Variants in AHCYL2 observed in about 807,000 individuals in gnomAD.
AHCYL2 encodes S-adenosylhomocysteine hydrolase-like protein 2.
A neutral mutation model predicts 81.4 loss-of-function variants in AHCYL2; 28 were observed. The observed-to-expected ratio is 0.34, with a 90% CI of 0.25 to 0.47. The LOEUF (loss-of-function observed/expected upper bound fraction) is 0.47. Ranked by LOEUF, AHCYL2 falls within the 20% of genes least tolerant of loss-of-function variation. AHCYL2 has a pLI of 1.00. For missense variants in AHCYL2, 551 were observed against 785.1 expected (o/e 0.70, Z 3.56); for synonymous variants, 272 against 290.2 (o/e 0.94, Z 0.64).
intron 2 of AHCYL2, among the ~76,000 whole-genome samples, chr7:129,380,530 C>T (rs1036595904): frequency 1.3e-5 from 2 of 152,002 alleles, no homozygotes; most frequent in East Asian, 1.9e-4. Context: ...ATTTGTTCTT[C>T]GTACAAATAG....
chr7:129,230,563 C>T (rs529042323), intron 1 of AHCYL2, among the ~76,000 whole-genome samples: 20 of 151,846 alleles, frequency 1.3e-4, no homozygotes, highest in African/African-American at 4.8e-4. Flanking sequence ...TCAGGATGAA[C>T]CTTCTAAATC....
intron 1 of AHCYL2, among the ~76,000 whole-genome samples, chr7:129,337,323 A>G (rs1240901501): frequency 6.6e-6 from 1 of 152,178 alleles, no homozygotes; most frequent in Non-Finnish European, 1.5e-5. Flanking sequence ...GTTTATATCA[A>G]AACATATATA....
At chr7:129,387,876 T>A (rs1291918643) in intron 2 of AHCYL2, among the ~76,000 whole-genome samples, 2 of 152,302 alleles carry the variant, frequency 1.3e-5, no homozygotes, top group East Asian at 1.9e-4. Context: ...GTTAGGACTT[T>A]GCTCCAGCTC....
At chr7:129,297,606 A>G (rs1797098473) in intron 1 of AHCYL2, among the ~76,000 whole-genome samples, 2 of 152,188 alleles carry the variant, frequency 1.3e-5, no homozygotes, top group Non-Finnish European at 2.9e-5. Context: ...TATTCCTGTC[A>G]TTTGTAGTAT....
At chr7:129,243,682 C>T (rs574882380) in intron 1 of AHCYL2, among the ~76,000 whole-genome samples, 3 of 151,834 alleles carry the variant, frequency 2.0e-5, no homozygotes, top group Admixed American at 6.6e-5. Flanking sequence ...CCTGGGTTCA[C>T]GCCATTCTCC....
chr7:129,373,900 T>C (rs1210336910), intron 1 of AHCYL2, among the ~76,000 whole-genome samples: 3 of 152,148 alleles, frequency 2.0e-5, no homozygotes, highest in Non-Finnish European at 4.4e-5. Context: ...GAGATCAGAA[T>C]TGCTGTGGGT....
intron 1 of AHCYL2, among the ~76,000 whole-genome samples, chr7:129,312,454 G>A (rs1468482475): frequency 2.0e-5 from 3 of 152,014 alleles, no homozygotes; most frequent in Non-Finnish European, 4.4e-5. Context: ...TGTTACTCAG[G>A]CTGGTGTGCA....
In AHCYL2 at chr7:129,323,676, G is replaced by A. The variant is rs1376829150; in HGVS notation, c.364-55962G>A. ...ATTGAAATTTGTAGTTAGAATTGTA[G>A]GTTTGTCTATTCCTTTTGGCAGTTT... On this transcript the variant is annotated intron_variant, in intron 1 of 16. Coordinates refer to ENST00000325006, the MANE Select transcript of AHCYL2 (RefSeq NM_015328.4). Among the ~76,000 whole-genome samples, 3 of 151,958 alleles carry A rather than the reference G, an allele frequency of 2.0e-5. No individual in the cohort carries two copies. In the East Asian group the frequency reaches 5.8e-4, roughly 29 times the overall value.
intron 1 of AHCYL2, among the ~76,000 whole-genome samples, chr7:129,231,778 G>T (rs143274737): frequency 6.6e-6 from 1 of 152,150 alleles, no homozygotes; most frequent in South Asian, 2.1e-4. Flanking sequence ...GTGGATTGAC[G>T]TTTCTTCTGT....
intron 1 of AHCYL2, chr7:129,375,794 T>C (rs758410603): frequency 1.2e-5 from 19 of 1,527,982 alleles, no homozygotes; most frequent in Admixed American, 4.0e-5. Flanking sequence ...ACAGAATTGC[T>C]GATGAGGAAA....
At chr7:129,336,076 T>TTC in intron 1 of AHCYL2, among the ~76,000 whole-genome samples, 1 of 146,616 alleles carries the variant, frequency 6.8e-6, no homozygotes, top group East Asian at 2.0e-4. Flanking sequence ...CTTTCCTTTT[T>TTC]TTTTTTTTTT....
chr7:129,233,687 C>T (rs1401833552), intron 1 of AHCYL2, among the ~76,000 whole-genome samples: 4 of 152,228 alleles, frequency 2.6e-5, no homozygotes, highest in African/African-American at 7.2e-5. Context: ...GGCGTTTCAC[C>T]GTGTTCGCCA....
At chr7:129,356,048 CAT>C (rs1329672195) in intron 1 of AHCYL2, among the ~76,000 whole-genome samples, 4 of 152,142 alleles carry the variant, frequency 2.6e-5, no homozygotes, top group Admixed American at 6.5e-5. Context: ...TGGCTACTCA[CAT>C]ATATATTATA....
At chr7:129,395,847 C>T (rs1025121243) in intron 4 of AHCYL2, among the ~76,000 whole-genome samples, 1 of 152,192 alleles carries the variant, frequency 6.6e-6, no homozygotes, top group African/African-American at 2.4e-5. Flanking sequence ...CATTGACACA[C>T]TTTCCCACAC....
At chr7:129,262,189 A>C (rs1002223929) in intron 1 of AHCYL2, among the ~76,000 whole-genome samples, 1 of 152,218 alleles carries the variant, frequency 6.6e-6, no homozygotes, top group African/African-American at 2.4e-5. Flanking sequence ...ATACGTATTT[A>C]TATAAATATT....
At chr7:129,228,085 T>A (rs1486057673) in intron 1 of AHCYL2, among the ~76,000 whole-genome samples, 3 of 152,222 alleles carry the variant, frequency 2.0e-5, no homozygotes, top group Admixed American at 2.0e-4. Flanking sequence ...TCTATGTAAA[T>A]AACCACTTTG....
intron 2 of AHCYL2, among the ~76,000 whole-genome samples, chr7:129,385,209 G>GC (rs1432823150): frequency 6.6e-6 from 1 of 152,202 alleles, no homozygotes; most frequent in Non-Finnish European, 1.5e-5. Flanking sequence ...TGGGATGCTA[G>GC]CATAGCTTTT....
chr7:129,420,979 G>A (rs1239501350), intron 12 of AHCYL2, among the ~76,000 whole-genome samples: 2 of 152,076 alleles, frequency 1.3e-5, no homozygotes, highest in East Asian at 1.9e-4. Context: ...GGCTGGGTGC[G>A]GTGGCTCACG....
intron 4 of AHCYL2, among the ~76,000 whole-genome samples, chr7:129,394,619 A>G (rs35366945): frequency 0.28 from 43,115 of 151,576 alleles, 7,554 homozygotes; most frequent in East Asian, 0.6. Flanking sequence ...CTAATTTTGT[A>G]TTTTTAGTAG....
Sources: allele counts gnomAD v4.1 joint callset (sites outside exome capture counted in the v4.1 genomes callset), GRCh38; gene constraint gnomAD v4.1.1; transcripts MANE v1.5; gene names NCBI Gene and HGNC (gene_info 2026-07-23, HGNC 2026-07-21).